KIF1B: variants seen among roughly 807,000 people sequenced by gnomAD.
KIF1B encodes kinesin family member 1B.
A neutral mutation model predicts 241.9 loss-of-function variants in KIF1B; 76 were observed. The observed-to-expected ratio is 0.31, with a 90% confidence interval of 0.26 to 0.38. The LOEUF is 0.38. KIF1B is among the 10% of genes least tolerant of loss of function. KIF1B has a pLI of 1.00. For synonymous variants in KIF1B, 750 were observed against 796.7 expected (o/e 0.94, Z 0.99); for missense variants, 1,622 against 2,271.4 (o/e 0.71, Z 5.81).
chr1:10,250,928 C>T (rs373952832), intron 2 of KIF1B, among the ~76,000 whole-genome samples: 29 of 152,090 alleles, frequency 1.9e-4, no homozygotes, highest in South Asian at 4.2e-4. Context: ...TTTGGGATGC[C>T]GAGGCGGGTG....
intron 14 of KIF1B, among the ~76,000 whole-genome samples, chr1:10,281,754 T>C (rs1206537193): frequency 6.6e-6 from 1 of 152,196 alleles, no homozygotes; most frequent in Non-Finnish European, 1.5e-5. Context: ...AAAAATCCTT[T>C]TAGCATGTTG....
chr1:10,370,384 A>C (rs1282111974), intron 44 of KIF1B, among the ~76,000 whole-genome samples: 1 of 152,048 alleles, frequency 6.6e-6, no homozygotes, highest in Non-Finnish European at 1.5e-5. Context: ...CAACATGACA[A>C]AAACCCCATC....
intron 8 of KIF1B, 54 bp from the exon 9 acceptor site, chr1:10,272,187 T>C: frequency 9.7e-7 from 1 of 1,031,290 alleles, no homozygotes; most frequent in Non-Finnish European, 1.5e-6. Flanking sequence ...TTCTGTATGA[T>C]ATAGCAGTAG....
At chr1:10,223,560 T>G (rs1216938750) in intron 1 of KIF1B, among the ~76,000 whole-genome samples, 7 of 150,934 alleles carry the variant, frequency 4.6e-5, no homozygotes, top group Admixed American at 1.3e-4. Flanking sequence ...TTTTTTTTTT[T>G]TTTTTTAGAC....
Position 10,326,328 on chromosome 1 carries a change from G to A in KIF1B, c.2893G>A (p.Asp965Asn), listed in dbSNP as rs751023167. The change falls in exon 27 of 49, where the codon GAC becomes AAC. Residue 965 changes from aspartate (D) to asparagine (N), a missense_variant. Asp to Asn is a conservative substitution (Grantham distance 23). Around this residue, in one of 7 missense-constraint regions of KIF1B, gnomAD observed 803 missense variants for 1,112.0 expected, o/e 0.72. Coordinates refer to ENST00000676179, the MANE Select transcript of KIF1B (RefSeq NM_001365951.3). This position sits in a 1 kb window ranked among gnomAD's most constrained non-coding sequence, Gnocchi z 5.2. ...LFSDGHDPFY[D>N]RSPWFILVGR... ...CAGTGACGGGCATGACCCGTTTTAC[G>A]ACCGATCCCCTTGGTTCATTTTAGT... 2 of 1,614,172 alleles carry A rather than the reference G, an allele frequency of 1.2e-6. No individual in the cohort carries two copies. Among genetic ancestry groups the A allele is most frequent in the South Asian group, 1.1e-5 (1 of 91,068 alleles).
intron 22 of KIF1B, among the ~76,000 whole-genome samples, chr1:10,302,132 C>T (rs1367995331): frequency 6.6e-6 from 1 of 152,146 alleles, no homozygotes; most frequent in Non-Finnish European, 1.5e-5. Flanking sequence ...GAAAATATCT[C>T]TAAGTTGTAC....
intron 2 of KIF1B, among the ~76,000 whole-genome samples, chr1:10,243,634 A>G (rs1347012431): frequency 2.0e-5 from 3 of 152,224 alleles, no homozygotes; most frequent in African/African-American, 7.2e-5. Context: ...ATATCTATTA[A>G]TTGAGGGAAG....
chr1:10,252,434 A>G (rs1200926169), intron 2 of KIF1B, among the ~76,000 whole-genome samples: 2 of 151,254 alleles, frequency 1.3e-5, no homozygotes, highest in East Asian at 3.9e-4. Flanking sequence ...TACTTGAGAC[A>G]GGGTCTTAGT....
At chr1:10,275,322 GT>G in intron 10 of KIF1B, 105 bp from the exon 11 acceptor site, 1 of 722,568 alleles carries the variant, frequency 1.4e-6, no homozygotes. Context: ...CAGTGTCGGG[GT>G]TGTACTGTAA....
At chr1:10,279,032 T>G in intron 13 of KIF1B, 65 bp from the exon 14 acceptor site, 1 of 1,215,834 alleles carries the variant, frequency 8.2e-7, no homozygotes, top group Non-Finnish European at 1.2e-6. Flanking sequence ...CTCTGTTCCC[T>G]CTCTGTGTCA....
chr1:10,335,530 G>A (rs1368602701), intron 28 of KIF1B, among the ~76,000 whole-genome samples: 1 of 152,192 alleles, frequency 6.6e-6, no homozygotes, highest in African/African-American at 2.4e-5. Flanking sequence ...TGGATTACAG[G>A]CGTCAGCCAC....
chr1:10,252,801 C>CCTCCACCT (rs1202914359), intron 2 of KIF1B, among the ~76,000 whole-genome samples: 11 of 151,988 alleles, frequency 7.2e-5, no homozygotes, highest in African/African-American at 2.4e-4. Context: ...CTCACTGCAA[C>CCTCCACCT]CTCCACCTCT....
At position 10,379,559 on chromosome 1, in the gene KIF1B, T is replaced by G. The variant is rs1638972363; in HGVS notation, c.*2972T>G. 1 of 231,916 alleles carries G rather than the reference T, an allele frequency of 4.3e-6. No individual in the cohort carries two copies. The highest frequency in any genetic ancestry group is 2.2e-5 in the African/African-American group (1 of 45,270). 14.4% of individuals were successfully genotyped at this position (231,916 alleles called of 1,614,324 possible). On this transcript the variant is annotated 3_prime_UTR_variant, in exon 49 of 49. Transcript: ENST00000676179. ...TATGAGGCTCTAGTTGTTGCTGTTG[T>G]GGCGGGAAAGTTAAGAAACATAGCC...
intron 2 of KIF1B, among the ~76,000 whole-genome samples, chr1:10,241,153 C>T (rs145903416): frequency 4.5e-4 from 69 of 152,212 alleles, no homozygotes; most frequent in African/African-American, 1.6e-3. Flanking sequence ...TGCTCTGTTG[C>T]GCAGACTGAA....
intron 44 of KIF1B, among the ~76,000 whole-genome samples, chr1:10,369,028 G>C (rs200397671): frequency 6.6e-6 from 1 of 152,054 alleles, no homozygotes; most frequent in East Asian, 1.9e-4. Context: ...TCTTTGCCTG[G>C]AATTGCCTTT....
At chr1:10,304,292 A>C (rs1650706462) in intron 22 of KIF1B, 1 of 1,614,112 alleles carries the variant, frequency 6.2e-7, no homozygotes, top group South Asian at 1.1e-5. Context: ...GTTAGCAAGC[A>C]GCACATTAAT....
intron 2 of KIF1B, among the ~76,000 whole-genome samples, chr1:10,249,952 T>C (rs1351110630): frequency 6.6e-6 from 1 of 151,990 alleles, no homozygotes; most frequent in Non-Finnish European, 1.5e-5. Context: ...GTTTATCAGT[T>C]AGTGAACTTT....
chr1:10,253,442 AC>A (rs1647583113), intron 2 of KIF1B, among the ~76,000 whole-genome samples: 1 of 151,970 alleles, frequency 6.6e-6, no homozygotes, highest in African/African-American at 2.4e-5. Flanking sequence ...GGAGTTTGAG[AC>A]CAGCCTGGGC....
At chr1:10,278,214 AAGTTAAGG>A in intron 13 of KIF1B, 86 bp downstream of exon 13, 1 of 1,388,614 alleles carries the variant, frequency 7.2e-7, no homozygotes, top group Admixed American at 1.7e-5. Context: ...AATAAACTTC[AAGTTAAGG>A]AGCATGATGA....
Sources: gnomAD v4.1 joint callset for allele counts (sites outside exome capture counted in the v4.1 genomes callset) on GRCh38, gnomAD v4.1.1 for gene constraint, gnomAD v4.1.1 regional missense constraint, Gnocchi (gnomAD v3.1) non-coding constraint, MANE v1.5 for transcripts, NCBI Gene and HGNC (gene_info 2026-07-23, HGNC 2026-07-21) for gene names.